Variants in NBPF3 observed in about 807,000 individuals in gnomAD.
NBPF3 encodes the protein NBPF family member NBPF3.
Under a neutral mutation model 78.1 loss-of-function variants are expected in NBPF3, and 57 were observed. The ratio of observed to expected loss-of-function variants is 0.73; its 90% CI spans 0.59 to 0.91. The LOEUF (loss-of-function observed/expected upper bound fraction) is 0.91, where lower values mean the gene tolerates loss of function less well. Among genes scored for constraint, NBPF3 ranks in the 40% least tolerant of loss-of-function variants. NBPF3 has a pLI of 0.00. For synonymous variants in NBPF3, 182 were observed against 271.7 expected, an observed-to-expected ratio of 0.67 and a Z score of 3.25; for missense variants, 510 against 715.3, an observed-to-expected ratio of 0.71 and a Z score of 3.27.
intron 2 of NBPF3, among the ~76,000 whole-genome samples, chr1:21,453,068 C>G (rs913895881): frequency 6.6e-6 from 1 of 152,204 alleles, no homozygotes; most frequent in African/African-American, 2.4e-5. Context: ...GACATCCCCT[C>G]CTTCTTCCCA....
At position 21,478,277 on chromosome 1, in the gene NBPF3, C is replaced by G. The variant is rs202154592; in HGVS notation, c.1126C>G (p.Gln376Glu). Residue 376 changes from glutamine (Q) to glutamate (E), a missense_variant, in exon 9 of 15, where the codon CAG becomes GAG. This residue lies in a region of NBPF3 where 440 missense variants were observed against 478.2 expected (regional missense o/e 0.92). Coordinates refer to ENST00000318249, the MANE Select transcript of NBPF3 (RefSeq NM_032264.6). Reference protein sequence around the residue: ...DRSTFHSVEEQQVGLALDIGR... With the variant: ...DRSTFHSVEEEQVGLALDIGR... ...GAGCACCTTTCACTCAGTAGAGGAA[C>G]AGCAAGTCGGCTTGGCTCTTGACAT... 60 of 1,614,016 alleles carry G rather than the reference C, an allele frequency of 3.7e-5. No homozygotes were observed. Among genetic ancestry groups the G allele is most frequent in the Admixed American group, 1.5e-4 (9 of 59,990 alleles).
In NBPF3 at chr1:21,473,058, C is replaced by T. The variant is rs563083465; in HGVS notation, c.734+143C>T. The T allele has an allele frequency of 4.7e-5, 34 of 729,974 alleles. No individual in the cohort carries two copies. In the South Asian group the frequency reaches 5.5e-4, roughly 12 times the overall value. The allele number at this position is 729,974 out of a possible 1,614,324, so 45.2% of individuals were successfully genotyped here. On this transcript the variant is annotated intron_variant, in intron 6 of 14. Coordinates refer to ENST00000318249, the MANE Select transcript of NBPF3 (RefSeq NM_032264.6). The stretch of plus-strand genomic sequence containing the variant: ...TGAGAAACTCAAGCCAGCTTGGACA[C>T]AGGGTGTGGCAGCTGTTGTGTTTCT...
At chr1:21,444,630 G>T (rs577323474) in intron 1 of NBPF3, among the ~76,000 whole-genome samples, 1 of 152,178 alleles carries the variant, frequency 6.6e-6, no homozygotes, top group East Asian at 1.9e-4. Context: ...CTAACTCAAG[G>T]CTCAAGGAAT....
chr1:21,441,432 C>T (rs551897678), intron 1 of NBPF3, among the ~76,000 whole-genome samples: 4 of 151,940 alleles, frequency 2.6e-5, no homozygotes, highest in Non-Finnish European at 2.9e-5. Context: ...GGGGCCCGGG[C>T]GCAGTAGATC....
chr1:21,479,800 C>CTT, intron 10 of NBPF3, among the ~76,000 whole-genome samples: 1 of 70,410 alleles, frequency 1.4e-5, no homozygotes, highest in Non-Finnish European at 3.6e-5. Flanking sequence ...CTATCTCTCT[C>CTT]TCTCTCTCTC....
Position 21,476,258 on chromosome 1 carries a change from T to C in NBPF3, c.992+1307T>C, listed in dbSNP as rs1405723114. Among the ~76,000 whole-genome samples, 1 of 152,210 alleles carries C rather than the reference T, an allele frequency of 6.6e-6. No individual in the cohort carries two copies. The highest frequency in any genetic ancestry group is 2.4e-5 in the African/African-American group (1 of 41,446). On this transcript the variant is annotated intron_variant, in intron 8 of 14. Coordinates refer to ENST00000318249, the MANE Select transcript of NBPF3 (RefSeq NM_032264.6). The surrounding 1 kb of genome is among the most constrained non-coding windows in gnomAD (Gnocchi z 4.1). ...CAGTCTGTGTCTTTTAATTGGGGCA[T>C]TTAGCCTATTTACATTTCAGGTTAC...
chr1:21,456,662 T>C (rs1641620448), intron 2 of NBPF3, among the ~76,000 whole-genome samples: 1 of 152,074 alleles, frequency 6.6e-6, no homozygotes, highest in South Asian at 2.1e-4. Flanking sequence ...TTTCATGATT[T>C]ATAAAAACAA....
intron 1 of NBPF3, chr1:21,440,661 T>A (rs537596071): frequency 6.6e-6 from 1 of 152,268 alleles, no homozygotes; most frequent in Non-Finnish European, 1.5e-5. Flanking sequence ...TAGAGGACAC[T>A]GACTCCGCAC....
chr1:21,447,353 C>A (rs1641046302), intron 2 of NBPF3, among the ~76,000 whole-genome samples: 1 of 152,184 alleles, frequency 6.6e-6, no homozygotes, highest in South Asian at 2.1e-4. Context: ...TCCTAAATCC[C>A]CAATACAGCG....
intron 7 of NBPF3, among the ~76,000 whole-genome samples, chr1:21,474,296 C>T (rs1308860891): frequency 3.3e-5 from 5 of 151,892 alleles, no homozygotes; most frequent in Admixed American, 3.3e-4. Flanking sequence ...TTCCACCTCC[C>T]AGGTTCAAGT....
chr1:21,466,547 T>C (rs1418234876), intron 2 of NBPF3, among the ~76,000 whole-genome samples: 1 of 152,278 alleles, frequency 6.6e-6, no homozygotes, highest in African/African-American at 2.4e-5. Context: ...TTCTCTTGTA[T>C]ATTCCAGAGT....
At chr1:21,441,699 C>T (rs1248256555) in intron 1 of NBPF3, among the ~76,000 whole-genome samples, 2 of 143,950 alleles carry the variant, frequency 1.4e-5, no homozygotes, top group African/African-American at 2.7e-5. Flanking sequence ...AGAGTGAGAG[C>T]CTATCTCAAA....
intron 5 of NBPF3, 140 bp downstream of exon 5, chr1:21,471,923 C>G (rs1402746338): frequency 7.4e-6 from 9 of 1,210,454 alleles, no homozygotes; most frequent in Non-Finnish European, 1.1e-5. Flanking sequence ...GTGACATAAC[C>G]AGGACTTCCT....
chr1:21,449,981 A>G (rs530456672), intron 2 of NBPF3: 3 of 183,510 alleles, frequency 1.6e-5, no homozygotes, highest in Non-Finnish European at 3.1e-5. Flanking sequence ...ATTAGCATCC[A>G]TGTATCTGAA....
chr1:21,439,137 G>C (rs1480740491), upstream of NBPF3, among the ~76,000 whole-genome samples: 1 of 152,148 alleles, frequency 6.6e-6, no homozygotes, highest in Non-Finnish European at 1.5e-5. Context: ...AGGGAGGCTG[G>C]GTGTGGTGGC....
chr1:21,450,771 A>T (rs368479782), intron 2 of NBPF3, among the ~76,000 whole-genome samples: 1 of 152,330 alleles, frequency 6.6e-6, no homozygotes, highest in African/African-American at 2.4e-5. Flanking sequence ...GAGGGTGTCC[A>T]CAAAGTACAG....
intron 2 of NBPF3, among the ~76,000 whole-genome samples, chr1:21,458,281 T>A (rs144003643): frequency 3.9e-4 from 60 of 152,190 alleles, no homozygotes; most frequent in Non-Finnish European, 7.9e-4. Context: ...CGTTATTTTG[T>A]CATGCTTTAA....
intron 1 of NBPF3, chr1:21,442,189 TG>T (rs1190783230): frequency 6.6e-6 from 1 of 152,210 alleles, no homozygotes; most frequent in East Asian, 1.9e-4. Context: ...CACTCTTTTA[TG>T]TTGTTTTTTC....
In NBPF3 at chr1:21,480,032, A is replaced by T. The variant is rs41290414; in HGVS notation, c.1209-19A>T. 0.16 allele frequency: 175,284 copies of T among 1,086,610 alleles called. 16,728 individuals carry two copies. Among genetic ancestry groups the T allele is most frequent in the South Asian group, 0.32 (25,609 of 80,556 alleles). The allele number at this position is 1,086,610 out of a possible 1,614,324, so 67.3% of individuals were successfully genotyped here. Reference sequence around the variant, plus strand: ...TCTGATTCCCCCTGGCTTATTCTTTACTTTTCCTACTTTTCCAGGCTCAGC... The same window carrying T: ...TCTGATTCCCCCTGGCTTATTCTTTTCTTTTCCTACTTTTCCAGGCTCAGC... On this transcript the variant is annotated intron_variant, in intron 10 of 14. Coordinates refer to ENST00000318249, the MANE Select transcript of NBPF3 (RefSeq NM_032264.6).
Sources: allele counts gnomAD v4.1 joint callset (sites outside exome capture counted in the v4.1 genomes callset), GRCh38; gene constraint gnomAD v4.1.1; regional missense constraint gnomAD v4.1.1; non-coding constraint Gnocchi (gnomAD v3.1); transcripts MANE v1.5; gene names NCBI Gene and HGNC (gene_info 2026-07-23, HGNC 2026-07-21).